The following VWDE variants were observed in gnomAD, a reference collection of about 807,000 sequenced individuals.
VWDE encodes von Willebrand factor D and EGF domains.
In VWDE, 207 loss-of-function variants were observed where a neutral mutation model predicts 178.4. The ratio of observed to expected loss-of-function variants is 1.16; its 90% CI spans 1.04 to 1.30. VWDE has a LOEUF of 1.30. Among genes scored for constraint, VWDE ranks in the 50% most tolerant of loss-of-function variants. VWDE has a pLI of 0.00. For synonymous variants in VWDE, 738 were observed against 651.4 expected (o/e 1.13, Z -2.02); for missense variants, 2,287 against 1,901.3 (o/e 1.20, Z -3.77).
intron 6 of VWDE, 104 bp downstream of exon 6, chr7:12,379,373 A>C (rs1435024323): frequency 1.0e-5 from 7 of 698,348 alleles, no homozygotes; most frequent in Non-Finnish European, 1.5e-5. Flanking sequence ...CAACATTCCG[A>C]TTCAGTCTGT....
At chr7:12,369,466 T>C in intron 12 of VWDE, 79 bp downstream of exon 12, 1 of 1,429,094 alleles carries the variant, frequency 7.0e-7, no homozygotes, top group East Asian at 2.5e-5. Flanking sequence ...GTTAGGATAC[T>C]GAGGGTGAAA....
chr7:12,379,591 C>T, intron 5 of VWDE, 25 bp from the exon 6 acceptor site: 1 of 1,493,130 alleles, frequency 6.7e-7, no homozygotes, highest in Non-Finnish European at 9.0e-7. Context: ...AAAAAATAAT[C>T]ACTTAGAAAT....
At chr7:12,335,381 G>A (rs1011813) in intron 27 of VWDE, among the ~76,000 whole-genome samples, 49,966 of 151,902 alleles carry the variant, frequency 0.33, 9,151 homozygotes, top group Admixed American at 0.46. Context: ...ACTGGATGGA[G>A]ATATACTAAA....
chr7:12,357,214 T>A, intron 17 of VWDE, 51 bp downstream of exon 17: 1 of 1,528,130 alleles, frequency 6.5e-7, no homozygotes, highest in Non-Finnish European at 8.8e-7. Context: ...CAAATAAAGT[T>A]GTTAAAATTG....
At chr7:12,385,575 A>T in intron 3 of VWDE, among the ~76,000 whole-genome samples, 1 of 152,168 alleles carries the variant, frequency 6.6e-6, no homozygotes, top group Admixed American at 6.5e-5. Context: ...ACTTTCAGAG[A>T]CCTCAGCCTG....
At chr7:12,364,909 A>T (rs1404965154) in intron 13 of VWDE, among the ~76,000 whole-genome samples, 2 of 152,130 alleles carry the variant, frequency 1.3e-5, no homozygotes, top group East Asian at 3.9e-4. Flanking sequence ...CAAAATTTAC[A>T]TTGCCCGTGA....
Position 12,370,323 on chromosome 7 carries a change from C to CAAAG in VWDE, c.1979_1982dup (p.Leu661PhefsTer14). The CAAAG allele has an allele frequency of 6.4e-7, 1 of 1,551,162 alleles. No homozygotes were observed. The highest frequency in any genetic ancestry group is 1.2e-5 in the South Asian group (1 of 84,042). ...CGGAGGTGACATCTAGTTCTGGTATCAAAGAAGATAAGCTGACATGATTGA... is the reference window on the plus strand; with the variant it reads ...CGGAGGTGACATCTAGTTCTGGTATCAAAGAAAGAAGATAAGCTGACATGATTGA... On this transcript the variant is annotated frameshift_variant, in exon 12 of 29. Transcript: ENST00000275358. LOFTEE classifies it high-confidence loss of function.
At chr7:12,380,053 G>A (rs1281173188) in intron 5 of VWDE, among the ~76,000 whole-genome samples, 1 of 151,346 alleles carries the variant, frequency 6.6e-6, no homozygotes. Flanking sequence ...AGCAACCTCC[G>A]AGATCGCGCC....
intron 3 of VWDE, among the ~76,000 whole-genome samples, chr7:12,385,053 A>G (rs1784032305): frequency 6.6e-6 from 1 of 152,146 alleles, no homozygotes; most frequent in Admixed American, 6.6e-5. Context: ...TAAATAAATA[A>G]TATTTCAAAT....
At chr7:12,354,769 CA>C (rs1368236779) in intron 18 of VWDE, among the ~76,000 whole-genome samples, 1 of 152,030 alleles carries the variant, frequency 6.6e-6, no homozygotes, top group Non-Finnish European at 1.5e-5. Context: ...ATAGTTAAGG[CA>C]AAAAGCTTCA....
At position 12,344,516 on chromosome 7, in the gene VWDE, T is replaced by C. The variant is rs1483983115; in HGVS notation, c.3887-47A>G. The C allele has an allele frequency of 1.9e-5, 27 of 1,416,590 alleles. 1 individual carries two copies. The South Asian group carries it at 3.0e-4, about 16-fold the overall frequency. The allele number at this position is 1,416,590 out of a possible 1,614,324, so 87.8% of individuals were successfully genotyped here. A position where few individuals can be genotyped will look rare whatever the true frequency, so the allele number is the denominator to read the frequency against. On this transcript the variant is annotated intron_variant, in intron 19 of 28. Transcript: ENST00000275358. ...AAAGGTTGATTGCTAAAACAGAACA[T>C]ACATATTGCTCAGAGACTTAGTTAT...
At chr7:12,397,512 C>G (rs968324022) in intron 1 of VWDE, among the ~76,000 whole-genome samples, 2 of 152,042 alleles carry the variant, frequency 1.3e-5, no homozygotes, top group African/African-American at 4.8e-5. Flanking sequence ...TGGGCCTTGG[C>G]AAAGAACTTA....
chr7:12,373,145 A>T lies in VWDE; in HGVS notation c.1419T>A (p.Tyr473Ter). The change falls in exon 10 of 29, where the codon TAT becomes TAA. Residue 473 changes from tyrosine to a stop codon, truncating the protein, a stop_gained. Coordinates refer to ENST00000275358, the MANE Select transcript of VWDE (RefSeq NM_001135924.3). LOFTEE classifies it high-confidence loss of function. ...VRQWDCRSLHYPVSCNCGFVA... is the reference protein window; with the variant it reads ...VRQWDCRSLH Reference sequence around the variant, plus strand: ...CAAACCCACAATTACATGACACTGGATAGTGAAGGCTTCTGCAGTCCCACT... The same window carrying T: ...CAAACCCACAATTACATGACACTGGTTAGTGAAGGCTTCTGCAGTCCCACT... 1.3e-6 allele frequency: 2 copies of T among 1,551,420 alleles called. No individual in the cohort carries two copies. Among genetic ancestry groups the T allele is most frequent in the Non-Finnish European group, 1.7e-6 (2 of 1,146,812 alleles).
rs892704825 is a variant in VWDE at position 12,370,340 on chromosome 7, C to T, written c.1966G>A (p.Val656Ile). Residue 656 changes from valine to isoleucine, a missense_variant, in exon 12 of 29, where the codon GTC becomes ATC. Coordinates refer to ENST00000275358, the MANE Select transcript of VWDE (RefSeq NM_001135924.3). ...TCTGGTATCAAAGAAGATAAGCTGA[C>T]ATGATTGAGGTCTTTGCAACCCAAG... ...IALGCKDLNH[V>I]SLSSLIPELD... 5 of 1,551,086 alleles carry T rather than the reference C, an allele frequency of 3.2e-6. No homozygotes were observed. The African/African-American group carries it at 5.5e-5, about 17-fold the overall frequency.
At chr7:12,350,727 C>T (rs953008445) in intron 19 of VWDE, among the ~76,000 whole-genome samples, 1 of 152,062 alleles carries the variant, frequency 6.6e-6, no homozygotes, top group Non-Finnish European at 1.5e-5. Context: ...ATTACTTAAG[C>T]CTTCTATGTT....
intron 15 of VWDE, among the ~76,000 whole-genome samples, chr7:12,359,927 G>T (rs1458712858): frequency 6.6e-6 from 1 of 152,064 alleles, no homozygotes; most frequent in Admixed American, 6.6e-5. Flanking sequence ...TCTTTACAAA[G>T]TTATAGCTTA....
intron 1 of VWDE, among the ~76,000 whole-genome samples, chr7:12,403,336 G>T (rs1013053059): frequency 6.6e-6 from 1 of 152,158 alleles, no homozygotes; most frequent in African/African-American, 2.4e-5. Context: ...CAGATCCGGC[G>T]AAAGTTTCTT....
At chr7:12,396,703 G>A (rs1020974869) in intron 1 of VWDE, among the ~76,000 whole-genome samples, 4 of 151,938 alleles carry the variant, frequency 2.6e-5, no homozygotes, top group Admixed American at 2.6e-4. Flanking sequence ...ATCACCTGAG[G>A]CCAGGAGTTG....
chr7:12,387,530 T>C (rs917041093), intron 3 of VWDE, among the ~76,000 whole-genome samples: 2 of 152,026 alleles, frequency 1.3e-5, no homozygotes, highest in African/African-American at 4.8e-5. Flanking sequence ...ATTTTATATA[T>C]ATGTGTATAT....
Sources: gnomAD v4.1 joint callset for allele counts (sites outside exome capture counted in the v4.1 genomes callset) on GRCh38, gnomAD v4.1.1 for gene constraint, MANE v1.5 for transcripts, NCBI Gene and HGNC (gene_info 2026-07-23, HGNC 2026-07-21) for gene names.